TATDN3: variants seen among roughly 807,000 people sequenced by gnomAD.
TATDN3 encodes the protein TatD DNase domain containing 3, also known as deoxyribonuclease TATDN3.
Under a neutral mutation model 40.1 loss-of-function variants are expected in TATDN3, and 29 were observed. The ratio of observed to expected loss-of-function variants is 0.72; its 90% CI spans 0.54 to 0.99. The LOEUF (loss-of-function observed/expected upper bound fraction) is 0.99, where lower values mean the gene tolerates loss of function less well. Among genes scored for constraint, TATDN3 ranks in the 50% least tolerant of loss-of-function variants. The pLI, the probability that TATDN3 is intolerant of heterozygous loss-of-function variation, is 0.00. For missense variants in TATDN3, 309 were observed against 321.9 expected (o/e 0.96, Z 0.31); for synonymous variants, 105 against 117.0 (o/e 0.90, Z 0.66).
intron 7 of TATDN3, among the ~76,000 whole-genome samples, chr1:212,806,234 G>C (rs1456671932): frequency 6.6e-6 from 1 of 151,982 alleles, no homozygotes; most frequent in Non-Finnish European, 1.5e-5. Flanking sequence ...TCTTTCACTA[G>C]CATTTTTGTT....
At chr1:212,804,855 T>C (rs1532951) in intron 7 of TATDN3, among the ~76,000 whole-genome samples, 2 of 152,086 alleles carry the variant, frequency 1.3e-5, no homozygotes, top group Non-Finnish European at 2.9e-5. Context: ...CAGGCCCAGA[T>C]AGAGTAAATG....
chr1:212,808,312 CAA>C (rs34100841), intron 8 of TATDN3, among the ~76,000 whole-genome samples: 4 of 111,436 alleles, frequency 3.6e-5, no homozygotes, highest in Non-Finnish European at 3.5e-5. Flanking sequence ...AACTCCATCT[CAA>C]AAAAAAAAAA....
intron 9 of TATDN3, among the ~76,000 whole-genome samples, chr1:212,812,930 C>T (rs1034916939): frequency 3.9e-5 from 6 of 152,022 alleles, no homozygotes; most frequent in African/African-American, 1.2e-4. Flanking sequence ...TCGCTTGAAC[C>T]CGGGAGGTGG....
At chr1:212,806,186 C>G (rs927617526) in intron 7 of TATDN3, among the ~76,000 whole-genome samples, 2 of 152,132 alleles carry the variant, frequency 1.3e-5, no homozygotes, top group Admixed American at 6.6e-5. Flanking sequence ...GAAGTCCACT[C>G]TGACTATTGA....
intron 9 of TATDN3, among the ~76,000 whole-genome samples, chr1:212,813,566 C>CTTT (rs202183479): frequency 2.2e-4 from 29 of 130,964 alleles, no homozygotes; most frequent in African/African-American, 3.7e-4. Context: ...TCTTTCTTTT[C>CTTT]TTTTTTTTTT....
Position 212,802,733 on chromosome 1 carries a change from TTATA to T in TATDN3, c.292_295del (p.Tyr98ArgfsTer12). On this transcript the variant is annotated frameshift_variant, in exon 5 of 10. Coordinates refer to ENST00000366974, the MANE Select transcript of TATDN3 (RefSeq NM_001042552.3). LOFTEE classifies it high-confidence loss of function. Reference sequence around the variant, plus strand: ...ATGTAGCTTTGCCCATTATTGAGAATTATAAGGATCGGTTGTTGGCAATTGGAGA... The same window carrying T: ...ATGTAGCTTTGCCCATTATTGAGAATAGGATCGGTTGTTGGCAATTGGAGA... 6.2e-7 allele frequency: 1 copy of T among 1,613,454 alleles called. No homozygotes were observed. The highest frequency in any genetic ancestry group is 8.5e-7 in the Non-Finnish European group (1 of 1,179,368).
intron 7 of TATDN3, among the ~76,000 whole-genome samples, chr1:212,806,314 T>G (rs1053008442): frequency 6.6e-6 from 1 of 152,002 alleles, no homozygotes; most frequent in South Asian, 2.1e-4. Flanking sequence ...CTAGAAAAGG[T>G]CTGATGGTGC....
At position 212,815,288 on chromosome 1, in the gene TATDN3, A is replaced by G; in HGVS notation, c.*132A>G. ...TATAGAAGATTGTAATTGTAGAGAAATATTTCTCTTAGAAATAAAACTGGG... is the reference window on the plus strand; with the variant it reads ...TATAGAAGATTGTAATTGTAGAGAAGTATTTCTCTTAGAAATAAAACTGGG... On this transcript the variant is annotated 3_prime_UTR_variant, in exon 10 of 10. Coordinates refer to ENST00000366974, the MANE Select transcript of TATDN3 (RefSeq NM_001042552.3). 1 of 1,076,926 alleles carries G rather than the reference A, an allele frequency of 9.3e-7. No individual in the cohort carries two copies. Among genetic ancestry groups the G allele is most frequent in the Non-Finnish European group, 1.2e-6 (1 of 802,014 alleles). 66.7% of individuals were successfully genotyped at this position (1,076,926 alleles called of 1,614,324 possible).
intron 8 of TATDN3, among the ~76,000 whole-genome samples, chr1:212,809,110 C>G (rs1662709785): frequency 6.6e-6 from 1 of 152,138 alleles, no homozygotes; most frequent in African/African-American, 2.4e-5. Context: ...TAAGAGAAAG[C>G]AACCAGACGA....
intron 5 of TATDN3, among the ~76,000 whole-genome samples, chr1:212,803,678 C>G (rs1662295927): frequency 1.3e-5 from 2 of 151,370 alleles, no homozygotes; most frequent in South Asian, 2.1e-4. Context: ...TGTGACTGCT[C>G]TGAATTAAGA....
At chr1:212,799,835 G>C (rs138343629) in intron 4 of TATDN3, among the ~76,000 whole-genome samples, 1 of 152,070 alleles carries the variant, frequency 6.6e-6, no homozygotes, top group Non-Finnish European at 1.5e-5. Context: ...CACCACACCC[G>C]GCCAATAGGT....
intron 4 of TATDN3, among the ~76,000 whole-genome samples, chr1:212,798,667 G>A (rs1040960352): frequency 6.6e-6 from 1 of 152,050 alleles, no homozygotes; most frequent in Non-Finnish European, 1.5e-5. Flanking sequence ...TACAAATGTG[G>A]AATCATAGCA....
chr1:212,807,925 A>G (rs1662638820), intron 8 of TATDN3, 77 bp downstream of exon 8: 8 of 913,686 alleles, frequency 8.8e-6, no homozygotes, highest in South Asian at 1.6e-5. Flanking sequence ...CATACTTGTG[A>G]TACTATTCTA....
intron 9 of TATDN3, among the ~76,000 whole-genome samples, chr1:212,813,566 CT>C (rs202183479): frequency 0.18 from 23,764 of 130,634 alleles, 2,124 homozygotes; most frequent in Admixed American, 0.38. Context: ...TCTTTCTTTT[CT>C]TTTTTTTTTT....
chr1:212,811,706 T>C (rs987165441), intron 8 of TATDN3, among the ~76,000 whole-genome samples: 4 of 150,494 alleles, frequency 2.7e-5, no homozygotes, highest in African/African-American at 9.7e-5. Context: ...TTATTATTAT[T>C]ATTATTTTTT....
At position 212,795,116 on chromosome 1, in the gene TATDN3, A is replaced by G. The variant is rs111642140; in HGVS notation, c.88A>G (p.Lys30Glu). The G allele has an allele frequency of 6.2e-7, 1 of 1,612,610 alleles. No homozygotes were observed. The highest frequency in any genetic ancestry group is 8.5e-7 in the Non-Finnish European group (1 of 1,179,022). Residue 30 changes from lysine (K) to glutamate (E), a missense_variant, in exon 2 of 10, where the codon AAA becomes GAA. Coordinates refer to ENST00000366974, the MANE Select transcript of TATDN3 (RefSeq NM_001042552.3). ...TTAGGATTTGGATGATGTGTTGGAG[A>G]AAGCCAAGAAGGTAAGTCAATATTT... ...FDRDLDDVLE[K>E]AKKANVVALV... is the part of the protein sequence containing the mutation.
Position 212,816,324 on chromosome 1 carries a change from A to G in TATDN3, c.*1168A>G, listed in dbSNP as rs944232750. On this transcript the variant is annotated 3_prime_UTR_variant, in exon 10 of 10. Transcript: ENST00000366974. ...TGAGCACCTATCTCTAAAAATGTAA[A>G]TAAATAAAAATCTCAAAAAAATTAA... 4 of 152,226 alleles carry G rather than the reference A, an allele frequency of 2.6e-5. No individual in the cohort carries two copies. The highest frequency in any genetic ancestry group is 4.4e-5 in the Non-Finnish European group (3 of 68,042). The allele number at this position is 152,226 out of a possible 1,614,324, so 9.4% of individuals were successfully genotyped here.
chr1:212,797,188 A>G lies in TATDN3; in HGVS notation c.250A>G (p.Thr84Ala). The change falls in exon 4 of 10, where the codon ACA becomes GCA. Residue 84 changes from threonine (T) to alanine (A), a missense_variant. Coordinates refer to ENST00000366974, the MANE Select transcript of TATDN3 (RefSeq NM_001042552.3). Reference protein sequence around the residue: ...GLPPEDQRSVTLKDLDVALPI... With the variant: ...GLPPEDQRSVALKDLDVALPI... Reference sequence around the variant, plus strand: ...TCCACCAGAAGACCAAAGAAGTGTCACACTAAAGGTAACAGTCATACAAAA... The same window carrying G: ...TCCACCAGAAGACCAAAGAAGTGTCGCACTAAAGGTAACAGTCATACAAAA... The G allele has an allele frequency of 6.2e-7, 1 of 1,613,552 alleles. No homozygotes were observed. The highest frequency in any genetic ancestry group is 8.5e-7 in the Non-Finnish European group (1 of 1,179,442).
intron 7 of TATDN3, among the ~76,000 whole-genome samples, chr1:212,806,369 T>TCTC (rs138938081): frequency 1.0e-5 from 1 of 99,236 alleles, no homozygotes; most frequent in African/African-American, 4.0e-5. Context: ...TCTCTCTCTC[T>TCTC]TTTTTTTTTT....
Sources: allele counts gnomAD v4.1 joint callset (sites outside exome capture counted in the v4.1 genomes callset), GRCh38; gene constraint gnomAD v4.1.1; transcripts MANE v1.5; gene names NCBI Gene and HGNC (gene_info 2026-07-23, HGNC 2026-07-21).